Variants in IL1RAPL2 observed in about 807,000 individuals in gnomAD.
The protein encoded by IL1RAPL2 is interleukin 1 receptor accessory protein like 2.
A neutral mutation model predicts 44.1 loss-of-function variants in IL1RAPL2; 3 were observed. That is an observed-to-expected ratio of 0.07 (90% confidence interval 0.03 to 0.18). The LOEUF (loss-of-function observed/expected upper bound fraction) is 0.18, where lower values mean the gene tolerates loss of function less well. Among genes scored for constraint, IL1RAPL2 ranks in the 10% least tolerant of loss-of-function variants. The pLI, the probability that IL1RAPL2 is intolerant of heterozygous loss-of-function variation, is 1.00. For synonymous variants in IL1RAPL2, 181 were observed against 178.8 expected, an observed-to-expected ratio of 1.01 and a Z score of -0.10; for missense variants, 391 against 496.4, an observed-to-expected ratio of 0.79 and a Z score of 2.02.
chrX:105,100,301 T>A (rs1200826429), intron 2 of IL1RAPL2, among the ~76,000 whole-genome samples: 1 of 111,550 alleles, frequency 9.0e-6, no homozygotes, highest in Admixed American at 9.5e-5. Flanking sequence ...TCTAGCTGGA[T>A]TTTTCCATAA....
chrX:105,654,061 C>G (rs182001045), intron 6 of IL1RAPL2, among the ~76,000 whole-genome samples: 1 of 110,562 alleles, frequency 9.0e-6, no homozygotes, highest in Non-Finnish European at 1.9e-5. Flanking sequence ...CCAACTTGAT[C>G]CAAGGATGAA....
intron 1 of IL1RAPL2, among the ~76,000 whole-genome samples, chrX:104,589,499 A>C (rs2147996199): frequency 8.9e-6 from 1 of 112,305 alleles, no homozygotes. Flanking sequence ...AATCTTTGGC[A>C]ACACCCTCAC....
intron 5 of IL1RAPL2, among the ~76,000 whole-genome samples, chrX:105,299,225 T>C (rs1378826022): frequency 8.9e-6 from 1 of 112,018 alleles, no homozygotes; most frequent in Admixed American, 9.5e-5. Context: ...TTTGATGAGT[T>C]TGGACATATG....
intron 5 of IL1RAPL2, among the ~76,000 whole-genome samples, chrX:105,388,656 G>A (rs5916906): frequency 1.4e-4 from 15 of 110,808 alleles, no homozygotes; most frequent in Non-Finnish European, 2.1e-4. Context: ...TGGAAGGCTT[G>A]CATCCCTCAA....
At chrX:105,069,329 A>T (rs1249643887) in intron 2 of IL1RAPL2, among the ~76,000 whole-genome samples, 1 of 112,616 alleles carries the variant, frequency 8.9e-6, no homozygotes, top group Non-Finnish European at 1.9e-5. Context: ...AAAAATATTA[A>T]TTTTTCCAAA....
intron 2 of IL1RAPL2, among the ~76,000 whole-genome samples, chrX:104,917,741 G>A (rs1924503008): frequency 8.9e-6 from 1 of 111,976 alleles, no homozygotes; most frequent in Admixed American, 9.5e-5. Context: ...AGTGTTCCCA[G>A]CTGAGGTGAG....
intron 5 of IL1RAPL2, among the ~76,000 whole-genome samples, chrX:105,445,930 CT>C (rs2035951378): frequency 9.0e-6 from 1 of 111,201 alleles, no homozygotes; most frequent in Non-Finnish European, 1.9e-5. Context: ...CAGATTAAGT[CT>C]GATGTTTCTT....
intron 6 of IL1RAPL2, 90 bp from the exon 7 acceptor site, chrX:105,717,277 T>G: frequency 1.2e-6 from 1 of 860,608 alleles, no homozygotes; most frequent in Non-Finnish European, 1.6e-6. Context: ...GGGTCACCTC[T>G]GAGTTTTCCT....
At chrX:104,624,867 C>T (rs1929468667) in intron 1 of IL1RAPL2, among the ~76,000 whole-genome samples, 1 of 111,355 alleles carries the variant, frequency 9.0e-6, no homozygotes, top group African/African-American at 3.3e-5. Context: ...GATCTACTTA[C>T]ACTAGCATAG....
chrX:105,379,346 A>G (rs1340323695), intron 5 of IL1RAPL2, among the ~76,000 whole-genome samples: 1 of 111,592 alleles, frequency 9.0e-6, no homozygotes, highest in Non-Finnish European at 1.9e-5. Flanking sequence ...GTCAGTGGCA[A>G]AACAAAAGTA....
At chrX:105,262,959 C>T (rs1015857839) in intron 4 of IL1RAPL2, among the ~76,000 whole-genome samples, 18 of 110,034 alleles carry the variant, frequency 1.6e-4, no homozygotes, top group African/African-American at 5.6e-4. Context: ...AATCTTGGCT[C>T]ATTGCAACCT....
chrX:105,639,233 T>C (rs1004745595), intron 6 of IL1RAPL2, among the ~76,000 whole-genome samples: 3 of 111,958 alleles, frequency 2.7e-5, no homozygotes, highest in Admixed American at 9.5e-5. Context: ...ATCAATTTAC[T>C]ATTTGAAATC....
intron 2 of IL1RAPL2, among the ~76,000 whole-genome samples, chrX:104,690,014 T>C (rs1330784729): frequency 1.8e-5 from 2 of 112,252 alleles, no homozygotes; most frequent in Admixed American, 9.4e-5. Flanking sequence ...TTGGTTGGTA[T>C]GCTTGGCTCC....
rs185036348 is a variant in IL1RAPL2, at chrX:105,218,940, C to T, written c.357-14878C>T. 1,177 of 1,175,464 alleles carry T rather than the reference C, an allele frequency of 1.0e-3. 9 individuals carry two copies. The African/African-American group carries it at 0.019, about 19-fold the overall frequency. On this transcript the variant is annotated intron_variant, in intron 3 of 10. Coordinates refer to ENST00000372582, the MANE Select transcript of IL1RAPL2 (RefSeq NM_017416.2). Reference sequence around the variant, plus strand: ...ATTCGCCATCGAGATATACATGCTTCGGTTCTATTTTGCATTTCTGCACTC... The same window carrying T: ...ATTCGCCATCGAGATATACATGCTTTGGTTCTATTTTGCATTTCTGCACTC...
At chrX:105,622,896 T>C (rs2037429839) in intron 6 of IL1RAPL2, among the ~76,000 whole-genome samples, 1 of 110,717 alleles carries the variant, frequency 9.0e-6, no homozygotes, top group Non-Finnish European at 1.9e-5. Flanking sequence ...CTTCTCAAGT[T>C]TTAAAACCTC....
intron 2 of IL1RAPL2, among the ~76,000 whole-genome samples, chrX:104,694,429 A>G (rs1290056686): frequency 2.7e-5 from 3 of 112,242 alleles, no homozygotes; most frequent in Non-Finnish European, 5.6e-5. Flanking sequence ...GACCTGAAAT[A>G]TAAGTATTTT....
intron 5 of IL1RAPL2, among the ~76,000 whole-genome samples, chrX:105,441,308 TCTTA>T (rs1294969364): frequency 8.9e-6 from 1 of 111,785 alleles, no homozygotes; most frequent in Non-Finnish European, 1.9e-5. Flanking sequence ...TAGTTTATGC[TCTTA>T]CTTAGTAAAT....
intron 4 of IL1RAPL2, among the ~76,000 whole-genome samples, chrX:105,257,112 G>C (rs1321751818): frequency 9.0e-6 from 1 of 111,664 alleles, no homozygotes; most frequent in Non-Finnish European, 1.9e-5. Context: ...CTCTAGCTGT[G>C]TCCCAGAGAT....
At chrX:105,094,637 C>CT (rs1255447091) in intron 2 of IL1RAPL2, among the ~76,000 whole-genome samples, 2 of 110,675 alleles carry the variant, frequency 1.8e-5, no homozygotes, top group Non-Finnish European at 3.8e-5. Flanking sequence ...AAATTTTGTT[C>CT]TTTTTTTCAG....
Sources: allele counts gnomAD v4.1 joint callset (sites outside exome capture counted in the v4.1 genomes callset), GRCh38; gene constraint gnomAD v4.1.1; transcripts MANE v1.5; gene names NCBI Gene and HGNC (gene_info 2026-07-23, HGNC 2026-07-21).